The following CDC42 variants were observed in gnomAD, a reference collection of about 807,000 sequenced individuals.
The protein encoded by CDC42 is cell division control protein 42 homolog.
In CDC42, 1 loss-of-function variant was observed where a neutral mutation model predicts 20.8. The ratio of observed to expected loss-of-function variants is 0.05; its 90% CI spans 0.02 to 0.23. The LOEUF (loss-of-function observed/expected upper bound fraction) is 0.23. CDC42 is among the 10% of genes least tolerant of loss of function. CDC42 has a pLI of 1.00. For synonymous variants in CDC42, 72 were observed against 84.8 expected (o/e 0.85, Z 0.83); for missense variants, 49 against 227.9 (o/e 0.21, Z 5.05).
chr1:22,098,687 A>G lies in CDC42; in HGVS notation c.*7170A>G, dbSNP rs893910186. ...ATTGGTTTGAAAACCATGACATGAG[A>G]TGATTTCTTAAGGTTTTATTTGTGT... On this transcript the variant is annotated 3_prime_UTR_variant, in exon 6 of 6. Coordinates refer to ENST00000656825, the MANE Select transcript of CDC42 (RefSeq NM_001791.4). 1.3e-5 allele frequency among the ~76,000 whole-genome samples: 2 copies of G among 152,126 alleles called. No homozygotes were observed. The highest frequency in any genetic ancestry group is 2.9e-5 in the Non-Finnish European group (2 of 68,016).
In CDC42 at chr1:22,062,067, C is replaced by T. The variant is rs1645372336; in HGVS notation, c.-51+9325C>T. ...AATTCTGCCTCAGCCTCCCGAGTAG[C>T]TGGGACTACAGGCATGTGCCACCAT... On this transcript the variant is annotated intron_variant, in intron 1 of 5. Transcript: ENST00000656825. Among the ~76,000 whole-genome samples, 3 of 152,052 alleles carry T rather than the reference C, an allele frequency of 2.0e-5. No individual in the cohort carries two copies. In the South Asian group the frequency reaches 6.2e-4, roughly 32 times the overall value.
intron 1 of CDC42, among the ~76,000 whole-genome samples, chr1:22,063,126 C>T (rs1489461040): frequency 6.6e-6 from 1 of 151,768 alleles, no homozygotes; most frequent in African/African-American, 2.4e-5. Context: ...TTCTTTTTTC[C>T]ACTTTGCATG....
rs146975743 is a variant in CDC42, at chr1:22,073,796, G to A, written c.-50-4633G>A. 9.6e-3 allele frequency among the ~76,000 whole-genome samples: 1,419 copies of A among 148,094 alleles called. 20 individuals carry two copies. The highest frequency in any genetic ancestry group is 0.033 in the African/African-American group (1,337 of 40,102). The stretch of plus-strand genomic sequence containing the variant: ...AGCCTCCCTGGTAACTGGGACTACA[G>A]GTGTGTGCCACTTCACCCAGCTAAT... On this transcript the variant is annotated intron_variant, in intron 1 of 5. Transcript: ENST00000656825.
At chr1:22,056,721 G>T (rs1402726933) in intron 1 of CDC42, among the ~76,000 whole-genome samples, 1 of 152,214 alleles carries the variant, frequency 6.6e-6, no homozygotes, top group East Asian at 1.9e-4. Flanking sequence ...GTGAAACCAG[G>T]CTTTCTGCCA....
intron 5 of CDC42, chr1:22,089,973 A>C: frequency 6.2e-7 from 1 of 1,614,016 alleles, no homozygotes; most frequent in South Asian, 1.1e-5. Context: ...TGATGAGGCT[A>C]TCCTAGCTGC....
At chr1:22,085,666 T>C (rs1645654665) in intron 3 of CDC42, among the ~76,000 whole-genome samples, 1 of 152,222 alleles carries the variant, frequency 6.6e-6, no homozygotes, top group African/African-American at 2.4e-5. Flanking sequence ...TTTTTATTAT[T>C]TTGAGTATCG....
At chr1:22,079,384 C>G (rs1476032719) in intron 2 of CDC42, among the ~76,000 whole-genome samples, 1 of 152,116 alleles carries the variant, frequency 6.6e-6, no homozygotes, top group Non-Finnish European at 1.5e-5. Context: ...AATGATCCAC[C>G]TGCCTCAGCC....
At position 22,096,679 on chromosome 1, in the gene CDC42, G is replaced by C. The variant is rs998655690; in HGVS notation, c.*5162G>C. ...TGTGTGCCTGTGCCGCGGTGCAGGT[G>C]GTCAGTTGGAACCCCTGATGGGTAT... is the stretch of plus-strand genomic sequence containing the variant. On this transcript the variant is annotated 3_prime_UTR_variant, in exon 6 of 6. Coordinates refer to ENST00000656825, the MANE Select transcript of CDC42 (RefSeq NM_001791.4). Among the ~76,000 whole-genome samples the C allele has an allele frequency of 2.6e-5, 4 of 152,182 alleles. No homozygotes were observed. Among genetic ancestry groups the C allele is most frequent in the African/African-American group, 9.7e-5 (4 of 41,434 alleles).
At chr1:22,071,872 GTTCTGATACTAACAGTTTAA>G (rs1645495834) in intron 1 of CDC42, among the ~76,000 whole-genome samples, 1 of 152,056 alleles carries the variant, frequency 6.6e-6, no homozygotes, top group South Asian at 2.1e-4. Context: ...AGAAAATTCA[GTTCTGATACTAACAGTTTAA>G]TTCTGATACT....
rs1032500373 is a variant in CDC42 at position 22,095,334 on chromosome 1, A to G, written c.*3817A>G. Among the ~76,000 whole-genome samples the G allele has an allele frequency of 1.3e-4, 20 of 151,968 alleles. No individual in the cohort carries two copies. The highest frequency in any genetic ancestry group is 2.4e-4 in the Non-Finnish European group (16 of 68,000). On this transcript the variant is annotated 3_prime_UTR_variant, in exon 6 of 6. Coordinates refer to ENST00000656825, the MANE Select transcript of CDC42 (RefSeq NM_001791.4). ...GCCCAGGCTGGAGTGCAGTGGTGCA[A>G]TCTCGGCTCATTGCAAGCTCCGCCT...
intron 1 of CDC42, among the ~76,000 whole-genome samples, chr1:22,062,336 A>G (rs1645375241): frequency 6.6e-6 from 1 of 152,246 alleles, no homozygotes; most frequent in Admixed American, 6.5e-5. Flanking sequence ...AAGAAAGTCT[A>G]AATAATCATA....
intron 3 of CDC42, among the ~76,000 whole-genome samples, chr1:22,084,289 G>T (rs1178273638): frequency 6.8e-6 from 1 of 146,178 alleles, no homozygotes; most frequent in Non-Finnish European, 1.5e-5. Context: ...CCAACAGTAC[G>T]TGGGGTTTGA....
intron 1 of CDC42, chr1:22,064,082 TTTG>T (rs1645394571): frequency 6.8e-6 from 1 of 146,118 alleles, no homozygotes; most frequent in African/African-American, 2.4e-5. Flanking sequence ...TTGTTTTTTT[TTTG>T]TTACATTAAC....
At chr1:22,090,789 A>G (rs1645708229) in intron 5 of CDC42, 1 of 985,208 alleles carries the variant, frequency 1.0e-6, no homozygotes, top group Non-Finnish European at 1.2e-6. Flanking sequence ...AATTAAAAAT[A>G]TACAACCGTT....
In CDC42 at chr1:22,096,262, T is replaced by C. The variant is rs546213154; in HGVS notation, c.*4745T>C. On this transcript the variant is annotated 3_prime_UTR_variant, in exon 6 of 6. Transcript: ENST00000656825. ...GCATGAGTCACTGCGCCCGGCCTAT[T>C]CATTCATTCTTACAGTGAATTAGTA... 1.3e-5 allele frequency among the ~76,000 whole-genome samples: 2 copies of C among 151,182 alleles called. No homozygotes were observed. Among genetic ancestry groups the C allele is most frequent in the Admixed American group, 6.6e-5 (1 of 15,118 alleles).
intron 1 of CDC42, among the ~76,000 whole-genome samples, chr1:22,077,656 C>CA (rs1645565952): frequency 6.6e-6 from 1 of 151,958 alleles, no homozygotes; most frequent in African/African-American, 2.4e-5. Flanking sequence ...CTAAGAGACT[C>CA]AAAGATACAT....
chr1:22,058,779 G>A (rs1374804542), intron 1 of CDC42, among the ~76,000 whole-genome samples: 2 of 152,026 alleles, frequency 1.3e-5, no homozygotes, highest in South Asian at 2.1e-4. Flanking sequence ...GATTACAGGC[G>A]TGAACCACCG....
At chr1:22,088,124 T>A (rs2124043490) in intron 5 of CDC42, among the ~76,000 whole-genome samples, 1 of 152,354 alleles carries the variant, frequency 6.6e-6, no homozygotes, top group East Asian at 1.9e-4. Flanking sequence ...TTGAGAGTTT[T>A]AAAAAATGCC....
At chr1:22,059,881 G>T (rs1645344174) in intron 1 of CDC42, among the ~76,000 whole-genome samples, 1 of 56,812 alleles carries the variant, frequency 1.8e-5, no homozygotes, top group African/African-American at 7.6e-5. Flanking sequence ...TTATTTCTCT[G>T]ATATTTCCTT....
Sources: allele counts gnomAD v4.1 joint callset (sites outside exome capture counted in the v4.1 genomes callset), GRCh38; gene constraint gnomAD v4.1.1; transcripts MANE v1.5; gene names NCBI Gene and HGNC (gene_info 2026-07-23, HGNC 2026-07-21).